The following TPGS2 variants were observed in gnomAD, a reference collection of about 807,000 sequenced individuals.
TPGS2 encodes the protein tubulin polyglutamylase complex subunit 2, also known as polyglutamylase subunit 2.
TPGS2 carries 26 observed loss-of-function variants against 31.1 expected under a neutral mutation model. The observed-to-expected ratio is 0.84, with a 90% confidence interval of 0.61 to 1.16. TPGS2 has a LOEUF of 1.16. Ranked by LOEUF, TPGS2 falls within the 50% of genes most tolerant of loss-of-function variation. The probability of loss-of-function intolerance (pLI) is 0.00; values close to 1 mark genes in which losing one functional copy is unlikely to be tolerated. For missense variants in TPGS2, 351 were observed against 363.8 expected, an observed-to-expected ratio of 0.96 and a Z score of 0.29; for synonymous variants, 130 against 136.6, an observed-to-expected ratio of 0.95 and a Z score of 0.34.
intron 5 of TPGS2, among the ~76,000 whole-genome samples, chr18:36,799,986 C>T (rs761585278): frequency 7.9e-5 from 12 of 152,130 alleles, no homozygotes; most frequent in Non-Finnish European, 1.8e-4. Context: ...TTGGCAATAA[C>T]TCACAAATGA....
At chr18:36,781,272 G>C (rs993398698), downstream of TPGS2, among the ~76,000 whole-genome samples, 5 of 152,156 alleles carry the variant, frequency 3.3e-5, no homozygotes, top group African/African-American at 4.8e-5. Context: ...CTCTGTCTCT[G>C]AAAACAGGGA....
chr18:36,804,007 A>G (rs1034520745), intron 4 of TPGS2, among the ~76,000 whole-genome samples: 4 of 152,012 alleles, frequency 2.6e-5, no homozygotes, highest in African/African-American at 9.7e-5. Context: ...TCAGGTGATC[A>G]GTGGCGATTT....
intron 6 of TPGS2, among the ~76,000 whole-genome samples, chr18:36,783,357 G>A (rs768547450): frequency 2.0e-5 from 3 of 152,132 alleles, no homozygotes; most frequent in Non-Finnish European, 2.9e-5. Context: ...TCATCTGCCT[G>A]GTAATTACCA....
intron 1 of TPGS2, among the ~76,000 whole-genome samples, chr18:36,821,889 G>A (rs919411732): frequency 5.3e-5 from 8 of 152,202 alleles, no homozygotes; most frequent in Non-Finnish European, 1.5e-5. Context: ...GTTAGCTAAA[G>A]ACCTCATTTC....
Position 36,807,835 on chromosome 18 carries a change from A to G in TPGS2, c.253+12T>C. 6.2e-7 allele frequency: 1 copy of G among 1,613,344 alleles called. No individual in the cohort carries two copies. The highest frequency in any genetic ancestry group is 8.5e-7 in the Non-Finnish European group (1 of 1,179,390). On this transcript the variant is annotated intron_variant, in intron 3 of 6. Coordinates refer to ENST00000334295, the MANE Select transcript of TPGS2 (RefSeq NM_015476.4). Reference sequence around the variant, plus strand: ...GCCAGGGAAATGTTCTCCTACAAGGAGGCTGACTCACCATCCAGCTTCACA... The same window carrying G: ...GCCAGGGAAATGTTCTCCTACAAGGGGGCTGACTCACCATCCAGCTTCACA...
chr18:36,828,655 C>T, intron 1 of TPGS2, 28 bp downstream of exon 1: 1 of 1,613,340 alleles, frequency 6.2e-7, no homozygotes, highest in African/African-American at 1.3e-5. Flanking sequence ...CCTCCACACC[C>T]TCTCGGCACC....
In TPGS2 at chr18:36,795,988, T is replaced by C; in HGVS notation, c.*817A>G. ...AAGTATAGCAGAAGTACACCTTCTT[T>C]AAAAAGTTAATAAGGAAGATAATTG... On this transcript the variant is annotated 3_prime_UTR_variant, in exon 7 of 7. Transcript: ENST00000334295. 1.0e-6 allele frequency: 1 copy of C among 985,454 alleles called. No individual in the cohort carries two copies. 61.0% of individuals were successfully genotyped at this position (985,454 alleles called of 1,614,324 possible). A position where few individuals can be genotyped will look rare whatever the true frequency, so the allele number is the denominator to read the frequency against.
At chr18:36,811,538 C>T (rs2150632865) in intron 2 of TPGS2, among the ~76,000 whole-genome samples, 1 of 152,228 alleles carries the variant, frequency 6.6e-6, no homozygotes, top group South Asian at 2.1e-4. Context: ...TATGAGGCAA[C>T]CTTCAGAAGA....
At chr18:36,818,682 T>G in intron 2 of TPGS2, 1 of 478,826 alleles carries the variant, frequency 2.1e-6, no homozygotes, top group Non-Finnish European at 3.7e-6. Flanking sequence ...TGTAGGAGAG[T>G]GGGGCTCAGG....
chr18:36,825,893 CAG>C (rs1346807025), intron 1 of TPGS2, among the ~76,000 whole-genome samples: 1 of 152,126 alleles, frequency 6.6e-6, no homozygotes, highest in Non-Finnish European at 1.5e-5. Context: ...TGGGGAGTAA[CAG>C]ATTTTAACAA....
At chr18:36,788,183 AGTT>A (rs2044189403) in intron 6 of TPGS2, among the ~76,000 whole-genome samples, 1 of 152,124 alleles carries the variant, frequency 6.6e-6, no homozygotes. Flanking sequence ...TTGTGAAGAT[AGTT>A]ATTAAGGCCA....
intron 2 of TPGS2, among the ~76,000 whole-genome samples, chr18:36,810,499 G>C (rs903664987): frequency 6.6e-6 from 1 of 152,116 alleles, no homozygotes; most frequent in Non-Finnish European, 1.5e-5. Context: ...GCTATATTTT[G>C]GGGGGTGTGA....
downstream of TPGS2, chr18:36,782,931 A>G (rs893243959): frequency 2.5e-6 from 1 of 395,138 alleles, no homozygotes; most frequent in Non-Finnish European, 4.5e-6. Context: ...CACCCTCGGA[A>G]ATGCCTGCCA....
chr18:36,819,281 A>C (rs1600831216), intron 1 of TPGS2, among the ~76,000 whole-genome samples: 1 of 152,242 alleles, frequency 6.6e-6, no homozygotes, highest in East Asian at 1.9e-4. Context: ...TTCACACAGA[A>C]ATTCTCAGTG....
In TPGS2 at chr18:36,794,369, C is replaced by G; in HGVS notation, c.*2436G>C. On this transcript the variant is annotated 3_prime_UTR_variant, in exon 7 of 7. Coordinates refer to ENST00000334295, the MANE Select transcript of TPGS2 (RefSeq NM_015476.4). ...TTGAGCCTTTCCTTATCATAACCCCCTTCCTTTGATAGCCTTTTGAGAACT... is the reference window on the plus strand; with the variant it reads ...TTGAGCCTTTCCTTATCATAACCCCGTTCCTTTGATAGCCTTTTGAGAACT... The G allele has an allele frequency of 1.0e-6, 1 of 985,538 alleles. No homozygotes were observed. Among genetic ancestry groups the G allele is most frequent in the Non-Finnish European group, 1.2e-6 (1 of 829,988 alleles). The allele number at this position is 985,538 out of a possible 1,614,324, so 61.0% of individuals were successfully genotyped here.
chr18:36,786,754 G>T, intron 6 of TPGS2: 1 of 1,200,764 alleles, frequency 8.3e-7, no homozygotes, highest in Non-Finnish European at 1.0e-6. Context: ...CAGTTTCTAA[G>T]GTTCTCTGGA....
intron 1 of TPGS2, among the ~76,000 whole-genome samples, chr18:36,827,895 T>C (rs922888260): frequency 2.0e-5 from 3 of 152,184 alleles, no homozygotes; most frequent in South Asian, 2.1e-4. Context: ...ACGTCTAACA[T>C]AGTGGTGAGT....
intron 3 of TPGS2, among the ~76,000 whole-genome samples, chr18:36,806,850 TAAAAAAAAAAAAAAAAAAA>T (rs397962723): frequency 2.7e-5 from 1 of 37,336 alleles, no homozygotes. Flanking sequence ...GACTCCATCT[TAAAAAAAAAAAAAAAAAAA>T]AAAAAAAAAA....
chr18:36,827,675 C>T (rs2046228510), intron 1 of TPGS2, among the ~76,000 whole-genome samples: 1 of 152,176 alleles, frequency 6.6e-6, no homozygotes, highest in African/African-American at 2.4e-5. Flanking sequence ...AAAGACCTTT[C>T]TCCTCCTTAG....
Sources: gnomAD v4.1 joint callset for allele counts (sites outside exome capture counted in the v4.1 genomes callset) on GRCh38, gnomAD v4.1.1 for gene constraint, MANE v1.5 for transcripts, NCBI Gene and HGNC (gene_info 2026-07-23, HGNC 2026-07-21) for gene names.